SLC24A3: variants seen among roughly 807,000 people sequenced by gnomAD.
SLC24A3 encodes solute carrier family 24 member 3.
SLC24A3 carries 28 observed loss-of-function variants against 75.8 expected under a neutral mutation model. The observed-to-expected ratio is 0.37, with a 90% CI of 0.27 to 0.51. SLC24A3 has a LOEUF of 0.51. Ranked by LOEUF, SLC24A3 falls within the 20% of genes least tolerant of loss-of-function variation. The pLI is 0.94. For synonymous variants in SLC24A3, 372 were observed against 334.1 expected (o/e 1.11, Z -1.24); for missense variants, 663 against 847.8 (o/e 0.78, Z 2.71).
chr20:19,393,120 A>G (rs979971434), intron 2 of SLC24A3, among the ~76,000 whole-genome samples: 2 of 152,248 alleles, frequency 1.3e-5, no homozygotes, highest in Non-Finnish European at 2.9e-5. Flanking sequence ...TATTAAAAAT[A>G]TGCATAATCT....
At chr20:19,696,681 TG>T in intron 13 of SLC24A3, 115 bp from the exon 14 acceptor site, 1 of 682,202 alleles carries the variant, frequency 1.5e-6, no homozygotes, top group South Asian at 1.8e-5. Context: ...GAGCAGACAT[TG>T]CACCCCACAG....
intron 1 of SLC24A3, among the ~76,000 whole-genome samples, chr20:19,216,279 A>C (rs1440957748): frequency 1.5e-5 from 2 of 133,364 alleles, no homozygotes; most frequent in African/African-American, 6.2e-5. Context: ...TTTCTTTGAC[A>C]TGAACTACCC....
rs796484728 is a variant in SLC24A3, at chr20:19,677,686, CTTTTT to C, written c.767+4048_767+4052del. ...ACTCTTTTAGGATTCTTTTTTTTTTCTTTTTTTTTTTTTTTTTTTTAATTTTCATT... is the reference window on the plus strand; with the variant it reads ...ACTCTTTTAGGATTCTTTTTTTTTTCTTTTTTTTTTTTTTTAATTTTCATT... On this transcript the variant is annotated intron_variant, in intron 9 of 16. Coordinates refer to ENST00000328041, the MANE Select transcript of SLC24A3 (RefSeq NM_020689.4). Among the ~76,000 whole-genome samples the C allele has an allele frequency of 4.3e-3, 488 of 113,960 alleles. 2 individuals are homozygous for C. The highest frequency in any genetic ancestry group is 0.015 in the African/African-American group (446 of 30,118). 74.8% of individuals were successfully genotyped at this position (113,960 alleles called of 152,430 possible).
intron 2 of SLC24A3, among the ~76,000 whole-genome samples, chr20:19,349,295 C>T (rs760450377): frequency 1.3e-5 from 2 of 152,216 alleles, no homozygotes; most frequent in Admixed American, 6.5e-5. Flanking sequence ...TCTAGACTAA[C>T]ATTCAGCCAC....
At chr20:19,458,090 A>G (rs1249661361) in intron 2 of SLC24A3, among the ~76,000 whole-genome samples, 1 of 152,134 alleles carries the variant, frequency 6.6e-6, no homozygotes, top group Non-Finnish European at 1.5e-5. Context: ...TGGGAGCTAC[A>G]GTGCTTTGTA....
chr20:19,263,304 A>G (rs1983056041), intron 1 of SLC24A3, among the ~76,000 whole-genome samples: 1 of 152,102 alleles, frequency 6.6e-6, no homozygotes, highest in Non-Finnish European at 1.5e-5. Context: ...AACTGTGAAG[A>G]ATGAGACAGA....
intron 2 of SLC24A3, among the ~76,000 whole-genome samples, chr20:19,503,515 G>T (rs1988417293): frequency 6.6e-6 from 1 of 152,184 alleles, no homozygotes; most frequent in African/African-American, 2.4e-5. Context: ...GTAATTTGCA[G>T]ATTCTTTAGT....
At chr20:19,666,153 C>T (rs1225387496) in intron 8 of SLC24A3, among the ~76,000 whole-genome samples, 1 of 152,132 alleles carries the variant, frequency 6.6e-6, no homozygotes, top group Non-Finnish European at 1.5e-5. Flanking sequence ...TATGTCTGGA[C>T]ATCATGGCTT....
At chr20:19,214,118 G>T (rs1269710878) in intron 1 of SLC24A3, among the ~76,000 whole-genome samples, 1 of 152,148 alleles carries the variant, frequency 6.6e-6, no homozygotes, top group Non-Finnish European at 1.5e-5. Flanking sequence ...CAGCTTGGCT[G>T]GTCTCCTGCT....
chr20:19,452,763 T>G (rs898281855), intron 2 of SLC24A3, among the ~76,000 whole-genome samples: 1 of 151,078 alleles, frequency 6.6e-6, no homozygotes, highest in African/African-American at 2.5e-5. Context: ...TGCTGTAATC[T>G]CAGCACTTTG....
chr20:19,518,361 A>G (rs1167790247), intron 3 of SLC24A3, among the ~76,000 whole-genome samples: 1 of 152,224 alleles, frequency 6.6e-6, no homozygotes, highest in Non-Finnish European at 1.5e-5. Flanking sequence ...TGTCTTGTGA[A>G]GAGAACCACT....
At chr20:19,227,226 C>T (rs1981892194) in intron 1 of SLC24A3, among the ~76,000 whole-genome samples, 1 of 152,196 alleles carries the variant, frequency 6.6e-6, no homozygotes, top group Non-Finnish European at 1.5e-5. Flanking sequence ...GCAGGTTCAA[C>T]GTTTTACACG....
At position 19,459,055 on chromosome 20, in the gene SLC24A3, G is replaced by T. The variant is rs1490500948; in HGVS notation, c.272-56433G>T. On this transcript the variant is annotated intron_variant, in intron 2 of 16. Coordinates refer to ENST00000328041, the MANE Select transcript of SLC24A3 (RefSeq NM_020689.4). ...CTCCAACATGAGCCCTGGGATCATT[G>T]AAATATTCTGAGATTTTGGAGGACT... Among the ~76,000 whole-genome samples the T allele has an allele frequency of 7.9e-4, 120 of 152,238 alleles. 1 individual carries two copies. The highest frequency in any genetic ancestry group is 1.0e-4 in the Non-Finnish European group (7 of 68,022).
rs2032826914 is a variant in SLC24A3 at position 19,697,760 on chromosome 20, A to G, written c.1607-808A>G. On this transcript the variant is annotated intron_variant, in intron 14 of 16. Coordinates refer to ENST00000328041, the MANE Select transcript of SLC24A3 (RefSeq NM_020689.4). ...CTACACTATTGTTCAGTTATTCCGA[A>G]GAAGGACTGGAGACAGTACAGGGCA... 2.6e-5 allele frequency among the ~76,000 whole-genome samples: 4 copies of G among 152,204 alleles called. No individual in the cohort carries two copies. In the South Asian group the frequency reaches 6.2e-4, roughly 24 times the overall value.
intron 1 of SLC24A3, 186 bp downstream of exon 1, chr20:19,213,170 GGACCCTGAGCGCCA>G: frequency 1.6e-6 from 1 of 621,414 alleles, no homozygotes; most frequent in Non-Finnish European, 2.2e-6. Context: ...ATGGAGGTGG[GGACCCTGAGCGCCA>G]GCAGCCAGCA....
At chr20:19,559,620 G>T (rs1358756364) in intron 3 of SLC24A3, among the ~76,000 whole-genome samples, 1 of 151,972 alleles carries the variant, frequency 6.6e-6, no homozygotes, top group Non-Finnish European at 1.5e-5. Context: ...CTTTCAAGTG[G>T]CAACAGCTCC....
chr20:19,212,666 G>A lies in SLC24A3; in HGVS notation c.-177G>A, dbSNP rs1240987516. 3.7e-6 allele frequency: 1 copy of A among 272,300 alleles called. No homozygotes were observed. Among genetic ancestry groups the A allele is most frequent in the Non-Finnish European group, 5.6e-6 (1 of 179,542 alleles). The allele number at this position is 272,300 out of a possible 1,614,324, so 16.9% of individuals were successfully genotyped here. A position where few individuals can be genotyped will look rare whatever the true frequency, so the allele number is the denominator to read the frequency against. ...CGATAGCGACGAGGAGGGCGACGAC[G>A]AGGAGACGGGCAGCGGCGAGGAGGA... On this transcript the variant is annotated 5_prime_UTR_variant, in exon 1 of 17. Coordinates refer to ENST00000328041, the MANE Select transcript of SLC24A3 (RefSeq NM_020689.4).
chr20:19,470,248 A>C (rs914036213), intron 2 of SLC24A3, among the ~76,000 whole-genome samples: 1 of 152,176 alleles, frequency 6.6e-6, no homozygotes, highest in Non-Finnish European at 1.5e-5. Context: ...CTGTTTCCCA[A>C]AAGTGAAGCA....
intron 16 of SLC24A3, 78 bp downstream of exon 16, chr20:19,717,671 C>T (rs890303089): frequency 7.2e-6 from 11 of 1,519,618 alleles, no homozygotes; most frequent in Non-Finnish European, 1.0e-5. Context: ...ACCAGATGAG[C>T]TTGGTCTCCT....
Sources: gnomAD v4.1 joint callset for allele counts (sites outside exome capture counted in the v4.1 genomes callset) on GRCh38, gnomAD v4.1.1 for gene constraint, MANE v1.5 for transcripts, NCBI Gene and HGNC (gene_info 2026-07-23, HGNC 2026-07-21) for gene names.